The following USO1 variants were observed in gnomAD, a reference collection of about 807,000 sequenced individuals.
The protein encoded by USO1 is USO1 vesicle transport factor, also known as general vesicular transport factor p115.
USO1 carries 57 observed loss-of-function variants against 124.5 expected under a neutral mutation model. The ratio of observed to expected loss-of-function variants is 0.46; its 90% CI spans 0.37 to 0.57. The LOEUF (loss-of-function observed/expected upper bound fraction) is 0.57. Among genes scored for constraint, USO1 ranks in the 20% least tolerant of loss-of-function variants. The pLI, the probability that USO1 is intolerant of heterozygous loss-of-function variation, is 0.00. For synonymous variants in USO1, 369 were observed against 362.8 expected (o/e 1.02, Z -0.19); for missense variants, 900 against 1,040.6 (o/e 0.86, Z 1.86).
At chr4:75,757,040 T>C (rs934393206) in intron 3 of USO1, among the ~76,000 whole-genome samples, 4 of 152,046 alleles carry the variant, frequency 2.6e-5, no homozygotes, top group African/African-American at 9.7e-5. Context: ...AAAGTTGTAC[T>C]TATTTTGTAA....
intron 1 of USO1, among the ~76,000 whole-genome samples, chr4:75,749,487 T>C (rs1315382224): frequency 3.3e-3 from 2 of 602 alleles, no homozygotes; most frequent in African/African-American, 6.2e-3. Context: ...TGCAACCTCT[T>C]AACTTCTGAG....
chr4:75,793,482 A>C, intron 12 of USO1, among the ~76,000 whole-genome samples: 1 of 152,084 alleles, frequency 6.6e-6, no homozygotes, highest in East Asian at 1.9e-4. Context: ...TTTTCTTCCA[A>C]GATAACTTTC....
chr4:75,756,332 G>A (rs549846142), intron 3 of USO1, among the ~76,000 whole-genome samples: 17 of 151,936 alleles, frequency 1.1e-4, no homozygotes, highest in Non-Finnish European at 2.1e-4. Flanking sequence ...GAAAAAAGAA[G>A]CAGATTAGTG....
intron 4 of USO1, among the ~76,000 whole-genome samples, chr4:75,758,590 A>T (rs1721507984): frequency 6.6e-6 from 1 of 152,070 alleles, no homozygotes; most frequent in Admixed American, 6.6e-5. Flanking sequence ...TTTTTAAAAA[A>T]CTTTTATTTT....
intron 1 of USO1, among the ~76,000 whole-genome samples, chr4:75,740,144 G>A (rs1720917222): frequency 6.6e-6 from 1 of 151,984 alleles, no homozygotes; most frequent in Admixed American, 6.6e-5. Flanking sequence ...GATCAGCCTG[G>A]GCAACATAGT....
intron 1 of USO1, among the ~76,000 whole-genome samples, chr4:75,734,764 T>C (rs2149139413): frequency 7.5e-6 from 1 of 133,960 alleles, no homozygotes; most frequent in Non-Finnish European, 1.6e-5. Context: ...AGCCTTGCTC[T>C]GTTGCCCAGG....
intron 10 of USO1, 90 bp from the exon 11 acceptor site, chr4:75,790,060 A>C (rs982634159): frequency 3.4e-4 from 358 of 1,044,610 alleles, no homozygotes; most frequent in South Asian, 6.0e-4. Context: ...AAAAAAAAAC[A>C]AAAAAAAAAG....
At chr4:75,787,954 G>T (rs1417640529) in intron 10 of USO1, among the ~76,000 whole-genome samples, 1 of 151,680 alleles carries the variant, frequency 6.6e-6, no homozygotes, top group Admixed American at 6.6e-5. Flanking sequence ...ATATGCATAG[G>T]TATATATGCT....
At chr4:75,784,420 C>G (rs1366421205) in intron 9 of USO1, among the ~76,000 whole-genome samples, 1 of 152,132 alleles carries the variant, frequency 6.6e-6, no homozygotes, top group Non-Finnish European at 1.5e-5. Flanking sequence ...GCATGTATTT[C>G]GTATCAAACA....
intron 17 of USO1, 109 bp downstream of exon 17, chr4:75,801,309 A>G: frequency 7.7e-7 from 1 of 1,298,208 alleles, no homozygotes; most frequent in African/African-American, 1.5e-5. Flanking sequence ...AGAAAGCAAA[A>G]CCCATCATTT....
chr4:75,770,841 G>A lies in USO1; in HGVS notation c.416G>A (p.Arg139His), dbSNP rs1453514844. The A allele has an allele frequency of 1.9e-6, 3 of 1,612,110 alleles. No individual in the cohort carries two copies. The highest frequency in any genetic ancestry group is 2.5e-6 in the Non-Finnish European group (3 of 1,179,360). The change falls in exon 6 of 24, where the codon CGC (arginine) becomes CAC (histidine). Residue 139 changes from arginine (R) to histidine (H), a missense_variant. This residue lies in a region of USO1 where 538 missense variants were observed against 681.6 expected (regional missense o/e 0.79). Coordinates refer to ENST00000514213, the MANE Select transcript of USO1 (RefSeq NM_003715.4). ...SLLEEFDFHV[R>H]WPGVKLLTSL... ...TTGCAGGAGTTTGATTTCCATGTCCGCTGGCCTGGTGTGAAGCTTCTTACT... is the reference window on the plus strand; with the variant it reads ...TTGCAGGAGTTTGATTTCCATGTCCACTGGCCTGGTGTGAAGCTTCTTACT...
intron 1 of USO1, among the ~76,000 whole-genome samples, chr4:75,738,940 C>T (rs1720874964): frequency 6.6e-6 from 1 of 152,104 alleles, no homozygotes; most frequent in African/African-American, 2.4e-5. Context: ...GCAACCTCCA[C>T]TTCCCGGGTT....
At chr4:75,754,658 G>A (rs150834845) in intron 3 of USO1, among the ~76,000 whole-genome samples, 261 of 152,148 alleles carry the variant, frequency 1.7e-3, no homozygotes, top group Non-Finnish European at 2.7e-3. Context: ...CCATTCAAGC[G>A]AGAAACTGGA....
intron 13 of USO1, among the ~76,000 whole-genome samples, chr4:75,794,737 C>T (rs1007472000): frequency 6.6e-6 from 1 of 152,202 alleles, no homozygotes; most frequent in African/African-American, 2.4e-5. Context: ...TCCTGCCACA[C>T]TCGTTGAATT....
At chr4:75,808,851 G>C (rs324687) in intron 20 of USO1, 102 bp from the exon 21 acceptor site, 1,054,970 of 1,321,870 alleles carry the variant, frequency 0.8, 422,534 homozygotes, top group East Asian at 1. Context: ...GATTTTAAAA[G>C]TAGGAGGTTG....
chr4:75,757,853 A>G (rs921727059), intron 4 of USO1, among the ~76,000 whole-genome samples: 2 of 152,128 alleles, frequency 1.3e-5, no homozygotes, highest in Non-Finnish European at 1.5e-5. Context: ...GGCAGTATGC[A>G]TATTAGCCAG....
At chr4:75,768,925 T>C (rs556010122) in intron 4 of USO1, among the ~76,000 whole-genome samples, 11 of 152,356 alleles carry the variant, frequency 7.2e-5, no homozygotes, top group Non-Finnish European at 1.6e-4. Flanking sequence ...TTATAAGGTA[T>C]CTCAAACTTA....
intron 9 of USO1, among the ~76,000 whole-genome samples, chr4:75,783,122 TAC>T (rs138062171): frequency 2.6e-5 from 4 of 152,326 alleles, no homozygotes; most frequent in Non-Finnish European, 5.9e-5. Context: ...AATTCAGACA[TAC>T]AGTTTCCTGA....
At chr4:75,775,549 A>G (rs1388868565) in intron 8 of USO1, among the ~76,000 whole-genome samples, 1 of 152,146 alleles carries the variant, frequency 6.6e-6, no homozygotes, top group Non-Finnish European at 1.5e-5. Flanking sequence ...AAAAAAATAA[A>G]AAGGGGGATA....
Sources: allele counts gnomAD v4.1 joint callset (sites outside exome capture counted in the v4.1 genomes callset), GRCh38; gene constraint gnomAD v4.1.1; regional missense constraint gnomAD v4.1.1; transcripts MANE v1.5; gene names NCBI Gene and HGNC (gene_info 2026-07-23, HGNC 2026-07-21).